The following PTBP3 variants were observed in gnomAD, a reference collection of about 807,000 sequenced individuals.
The protein encoded by PTBP3 is polypyrimidine tract-binding protein 3.
PTBP3 carries 20 observed loss-of-function variants against 58.7 expected under a neutral mutation model. That is an observed-to-expected ratio of 0.34 (90% CI 0.24 to 0.50). PTBP3 has a LOEUF of 0.50. Among genes scored for constraint, PTBP3 ranks in the 20% least tolerant of loss-of-function variants. PTBP3 has a pLI of 0.98. For missense variants in PTBP3, 509 were observed against 637.2 expected, an observed-to-expected ratio of 0.80 and a Z score of 2.17; for synonymous variants, 185 against 219.8, an observed-to-expected ratio of 0.84 and a Z score of 1.40.
intron 10 of PTBP3, among the ~76,000 whole-genome samples, chr9:112,229,716 AC>A (rs1255417652): frequency 3.3e-5 from 5 of 152,142 alleles, no homozygotes; most frequent in Admixed American, 2.0e-4. Flanking sequence ...CTAAACATAT[AC>A]CATTTGTTTT....
At chr9:112,257,255 C>T (rs1170799280) in intron 5 of PTBP3, among the ~76,000 whole-genome samples, 1 of 152,170 alleles carries the variant, frequency 6.6e-6, no homozygotes, top group Non-Finnish European at 1.5e-5. Flanking sequence ...CGATATGATA[C>T]TTCTGAATAA....
chr9:112,267,841 G>GT (rs1295145726), intron 4 of PTBP3, among the ~76,000 whole-genome samples: 1 of 152,082 alleles, frequency 6.6e-6, no homozygotes, highest in Non-Finnish European at 1.5e-5. Flanking sequence ...TGTGAAAACA[G>GT]TTTCAAGAGA....
chr9:112,304,184 G>A (rs1829070617), intron 1 of PTBP3, among the ~76,000 whole-genome samples: 1 of 151,964 alleles, frequency 6.6e-6, no homozygotes, highest in Non-Finnish European at 1.5e-5. Context: ...AAAAAAAAAT[G>A]TATCCATTTT....
chr9:112,224,945 A>G (rs1284127422), intron 12 of PTBP3, among the ~76,000 whole-genome samples: 1 of 152,238 alleles, frequency 6.6e-6, no homozygotes, highest in African/African-American at 2.4e-5. Flanking sequence ...ATCTCCAGTT[A>G]AAACCTTCAG....
the PTBP3 span, among the ~76,000 whole-genome samples, chr9:112,340,066 G>A: frequency 6.6e-6 from 1 of 152,182 alleles, no homozygotes; most frequent in African/African-American, 2.4e-5. Context: ...CCAGGCTCAG[G>A]TGATCCTCCC....
chr9:112,371,646 A>ATTTTTTT, the PTBP3 span, among the ~76,000 whole-genome samples: 195 of 127,534 alleles, frequency 1.5e-3, 1 homozygote, highest in African/African-American at 5.6e-3. Context: ...TTTTTAGTAG[A>ATTTTTTT]TTTTTTTTTT....
chr9:112,319,856 G>T (rs1179003685), intron 1 of PTBP3, among the ~76,000 whole-genome samples: 1 of 152,150 alleles, frequency 6.6e-6, no homozygotes, highest in Non-Finnish European at 1.5e-5. Flanking sequence ...TAAAAAGAAG[G>T]AAATCCTGTC....
chr9:112,307,875 T>C lies in PTBP3; in HGVS notation c.-51-9959A>G, dbSNP rs936861200. On this transcript the variant is annotated intron_variant, in intron 1 of 13. Coordinates refer to ENST00000374257, the MANE Select transcript of PTBP3 (RefSeq NM_001163788.4). ...TCCAACATGCAGCCCATGGGCCACATGCGGCACAGGATGGCTTTGAGTGCC... is the reference window on the plus strand; with the variant it reads ...TCCAACATGCAGCCCATGGGCCACACGCGGCACAGGATGGCTTTGAGTGCC... 2.0e-5 allele frequency among the ~76,000 whole-genome samples: 3 copies of C among 152,376 alleles called. No individual in the cohort carries two copies. In the East Asian group the frequency reaches 5.8e-4, roughly 29 times the overall value.
chr9:112,355,958 C>CTT, the PTBP3 span, among the ~76,000 whole-genome samples: 7 of 87,554 alleles, frequency 8.0e-5, no homozygotes, highest in South Asian at 3.5e-4. Context: ...TTCTTTCTTT[C>CTT]TCTTTCTCTT....
At chr9:112,286,500 A>C (rs1034519478) in intron 2 of PTBP3, among the ~76,000 whole-genome samples, 7 of 151,950 alleles carry the variant, frequency 4.6e-5, no homozygotes, top group Admixed American at 1.3e-4. Context: ...ATACATCTTT[A>C]ATTTATCACA....
At chr9:112,359,330 C>G in the PTBP3 span, among the ~76,000 whole-genome samples, 1 of 151,708 alleles carries the variant, frequency 6.6e-6, no homozygotes, top group African/African-American at 2.4e-5. Flanking sequence ...ACCTGCAGTC[C>G]CAGATACTTG....
Position 112,333,606 on chromosome 9 carries a change from G to C in PTBP3, c.-188C>G. The stretch of plus-strand genomic sequence containing the variant: ...CTCTGCGGAGCCCCGGCCGGTCCGA[G>C]GTGGAAGGAGAGTGGGAACAGGGGC... On this transcript the variant is annotated 5_prime_UTR_variant, in exon 1 of 14. Transcript: ENST00000374257. The C allele has an allele frequency of 1.8e-6, 2 of 1,139,328 alleles. No homozygotes were observed. Among genetic ancestry groups the C allele is most frequent in the Admixed American group, 2.1e-5 (1 of 46,808 alleles). The allele number at this position is 1,139,328 out of a possible 1,614,324, so 70.6% of individuals were successfully genotyped here.
At chr9:112,326,872 A>G (rs977668373) in intron 1 of PTBP3, among the ~76,000 whole-genome samples, 7 of 152,226 alleles carry the variant, frequency 4.6e-5, no homozygotes, top group African/African-American at 1.7e-4. Context: ...ATGTACAGTT[A>G]TCACTCATTA....
At chr9:112,344,684 A>G in the PTBP3 span, among the ~76,000 whole-genome samples, 1 of 152,238 alleles carries the variant, frequency 6.6e-6, no homozygotes, top group African/African-American at 2.4e-5. Context: ...TGATATGATT[A>G]TCTATGTAGA....
chr9:112,289,065 T>C (rs1023655065), intron 2 of PTBP3, among the ~76,000 whole-genome samples: 2 of 152,240 alleles, frequency 1.3e-5, no homozygotes, highest in Admixed American at 6.5e-5. Flanking sequence ...GACTACATTC[T>C]TAGCTTCCTA....
Position 112,220,226 on chromosome 9 carries a change from T to C in PTBP3, c.*3625A>G, listed in dbSNP as rs772546646. The C allele has an allele frequency of 1.3e-5, 18 of 1,347,694 alleles. No homozygotes were observed. The East Asian group carries it at 2.7e-4, about 21-fold the overall frequency. The allele number at this position is 1,347,694 out of a possible 1,614,324, so 83.5% of individuals were successfully genotyped here. ...GAACAGAAGAGAAACTGCATGACAA[T>C]ATGCTAAACATGTAAGCACTGCTGA... On this transcript the variant is annotated 3_prime_UTR_variant, in exon 14 of 14. Transcript: ENST00000374257.
At chr9:112,379,791 A>G in the PTBP3 span, 4 of 357,658 alleles carry the variant, frequency 1.1e-5, no homozygotes, top group South Asian at 3.5e-5. Flanking sequence ...GCGAGGAGAA[A>G]CCCCTAGAGA....
the PTBP3 span, among the ~76,000 whole-genome samples, chr9:112,366,461 C>T: frequency 1.3e-5 from 2 of 152,042 alleles, no homozygotes; most frequent in East Asian, 3.9e-4. Context: ...GGACTTGGCA[C>T]CCTGCTTTCC....
intron 1 of PTBP3, among the ~76,000 whole-genome samples, chr9:112,311,119 G>A (rs1829455418): frequency 6.6e-6 from 1 of 152,130 alleles, no homozygotes; most frequent in African/African-American, 2.4e-5. Flanking sequence ...AGACAAAGAG[G>A]GAAGGACTCT....
Sources: allele counts gnomAD v4.1 joint callset (sites outside exome capture counted in the v4.1 genomes callset), GRCh38; gene constraint gnomAD v4.1.1; transcripts MANE v1.5; gene names NCBI Gene and HGNC (gene_info 2026-07-23, HGNC 2026-07-21).